Variants in GAN observed in about 807,000 individuals in gnomAD.
GAN encodes the protein gigaxonin.
In GAN, 48 loss-of-function variants were observed where a neutral mutation model predicts 71.3. The ratio of observed to expected loss-of-function variants is 0.67; its 90% CI spans 0.53 to 0.86. The LOEUF is 0.86. Ranked by LOEUF, GAN falls within the 40% of genes least tolerant of loss-of-function variation. GAN has a pLI of 0.00. For synonymous variants in GAN, 386 were observed against 276.8 expected (o/e 1.39, Z -3.92); for missense variants, 928 against 770.1 (o/e 1.21, Z -2.43).
At position 81,315,290 on chromosome 16, in the gene GAN, G is replaced by T; in HGVS notation, c.167+10G>T. 5 of 1,521,764 alleles carry T rather than the reference G, an allele frequency of 3.3e-6. No homozygotes were observed. Among genetic ancestry groups the T allele is most frequent in the South Asian group, 1.2e-5 (1 of 80,854 alleles). 94.3% of individuals were successfully genotyped at this position (1,521,764 alleles called of 1,614,324 possible). ...CCAGCCCGTACATCAGGTGGGGAGG[G>T]GGCTACGGCGGGCGGGCGCGGCGGT... On this transcript the variant is annotated intron_variant, in intron 1 of 10. Transcript: ENST00000648994.
chr16:81,319,846 A>G (rs1408424211), intron 1 of GAN, among the ~76,000 whole-genome samples: 2 of 152,210 alleles, frequency 1.3e-5, no homozygotes, highest in Admixed American at 6.5e-5. Context: ...TGGTTGGGCT[A>G]CATGGACAGC....
rs959210772 is a variant in GAN at position 81,315,395 on chromosome 16, C to T, written c.167+115C>T. On this transcript the variant is annotated intron_variant, in intron 1 of 10. Coordinates refer to ENST00000648994, the MANE Select transcript of GAN (RefSeq NM_022041.4). ...TCCCCTGTCCCCGGCGCCGGGGTCC[C>T]CGCGTCACCGTTGGCGCGGCGTCCC... is the stretch of plus-strand genomic sequence containing the variant. 5 of 661,840 alleles carry T rather than the reference C, an allele frequency of 7.6e-6. No individual in the cohort carries two copies. In the African/African-American group the frequency reaches 9.6e-5, roughly 13 times the overall value. 41.0% of individuals were successfully genotyped at this position (661,840 alleles called of 1,614,324 possible).
Position 81,382,869 on chromosome 16 carries a change from C to T in GAN, c.*5273C>T, listed in dbSNP as rs1171088035. On this transcript the variant is annotated 3_prime_UTR_variant, in exon 11 of 11. Coordinates refer to ENST00000648994, the MANE Select transcript of GAN (RefSeq NM_022041.4). ...TTTTAAACATATTTCAATATTGTCT[C>T]ATTGTAATAGTTCCATTTATGTGAC... is the stretch of plus-strand genomic sequence containing the variant. The T allele has an allele frequency of 6.6e-6, 1 of 152,168 alleles. No homozygotes were observed. The highest frequency in any genetic ancestry group is 1.5e-5 in the Non-Finnish European group (1 of 68,020). 9.4% of individuals were successfully genotyped at this position (152,168 alleles called of 1,614,324 possible).
intron 9 of GAN, among the ~76,000 whole-genome samples, chr16:81,366,350 A>G (rs1249956181): frequency 6.6e-6 from 1 of 152,212 alleles, no homozygotes; most frequent in Non-Finnish European, 1.5e-5. Flanking sequence ...ACCTCTGACA[A>G]GTGCCACGTA....
Position 81,357,860 on chromosome 16 carries a change from C to G in GAN, c.902C>G (p.Pro301Arg). 6.2e-7 allele frequency: 1 copy of G among 1,613,294 alleles called. No homozygotes were observed. Among genetic ancestry groups the G allele is most frequent in the Non-Finnish European group, 8.5e-7 (1 of 1,179,248 alleles). Residue 301 changes from proline (P) to arginine (R), a missense_variant, in exon 5 of 11, where the codon CCT becomes CGT. By Grantham distance (103) the Pro-to-Arg change is moderately radical. Coordinates refer to ENST00000648994, the MANE Select transcript of GAN (RefSeq NM_022041.4). ...AMRCMCPLYD[P>R]NRQLWIELAP... The stretch of plus-strand genomic sequence containing the variant: ...CGATGCATGTGCCCTCTCTATGACC[C>G]TAACAGGCAGCTTTGGATCGAACTG...
chr16:81,347,887 A>C (rs9937004), intron 1 of GAN, among the ~76,000 whole-genome samples: 458 of 152,096 alleles, frequency 3.0e-3, no homozygotes, highest in African/African-American at 0.01. Flanking sequence ...TCCGTTACTG[A>C]GAGTACTTCC....
At chr16:81,343,519 CAT>C (rs901649238) in intron 1 of GAN, among the ~76,000 whole-genome samples, 1 of 152,190 alleles carries the variant, frequency 6.6e-6, no homozygotes, top group Non-Finnish European at 1.5e-5. Context: ...ACAAAAACCA[CAT>C]GATTATCTCA....
intron 2 of GAN, among the ~76,000 whole-genome samples, chr16:81,352,255 C>T (rs572624875): frequency 6.6e-6 from 1 of 152,204 alleles, no homozygotes; most frequent in Non-Finnish European, 1.5e-5. Context: ...CCCTTATTCT[C>T]TCTTCCCTCT....
At position 81,377,676 on chromosome 16, in the gene GAN, C is replaced by G. The variant is rs1904286651; in HGVS notation, c.*80C>G. On this transcript the variant is annotated 3_prime_UTR_variant, in exon 11 of 11. Transcript: ENST00000648994. ...CCGAAAGGGAGAGCAGAGATGGCAG[C>G]TGAAACTCACTCTGTGCTGGGCTTT... The G allele has an allele frequency of 1.6e-6, 2 of 1,213,008 alleles. No homozygotes were observed. The highest frequency in any genetic ancestry group is 4.6e-5 in the East Asian group (2 of 43,042). 75.1% of individuals were successfully genotyped at this position (1,213,008 alleles called of 1,614,324 possible).
Position 81,390,062 on chromosome 16 carries a change from C to T in GAN, c.*12466C>T, listed in dbSNP as rs1159949216. ...AAGTAGGTCTGCTTAGACACATATT[C>T]AGTGAAGATTGTATTGTGTGTGATA... On this transcript the variant is annotated 3_prime_UTR_variant, in exon 11 of 11. Transcript: ENST00000648994. The T allele has an allele frequency of 6.6e-6, 1 of 152,086 alleles. No individual in the cohort carries two copies. The allele number at this position is 152,086 out of a possible 1,614,324, so 9.4% of individuals were successfully genotyped here. A position where few individuals can be genotyped will look rare whatever the true frequency, so the allele number is the denominator to read the frequency against.
In GAN at chr16:81,343,634, A is replaced by C. The variant is rs149424488; in HGVS notation, c.168-7949A>C. 5.8e-3 allele frequency among the ~76,000 whole-genome samples: 885 copies of C among 152,316 alleles called. 26 individuals carry two copies. Among genetic ancestry groups the C allele is most frequent in the Admixed American group, 0.054 (819 of 15,296 alleles). Reference sequence around the variant, plus strand: ...AACATATCTCAACATAATAAGACCTATTTACGACAAACCCAGAGCCAATAT... The same window carrying C: ...AACATATCTCAACATAATAAGACCTCTTTACGACAAACCCAGAGCCAATAT... On this transcript the variant is annotated intron_variant, in intron 1 of 10. Transcript: ENST00000648994.
chr16:81,329,986 C>T (rs1049576923), intron 1 of GAN, among the ~76,000 whole-genome samples: 1 of 152,164 alleles, frequency 6.6e-6, no homozygotes, highest in Non-Finnish European at 1.5e-5. Flanking sequence ...ACCAGACTCC[C>T]CAGGAGAAAT....
chr16:81,344,594 T>C (rs958159261), intron 1 of GAN, among the ~76,000 whole-genome samples: 1 of 152,100 alleles, frequency 6.6e-6, no homozygotes, highest in Non-Finnish European at 1.5e-5. Flanking sequence ...TCTTACATCT[T>C]ATACAAAAAT....
At chr16:81,344,758 G>A (rs1910060339) in intron 1 of GAN, among the ~76,000 whole-genome samples, 2 of 152,006 alleles carry the variant, frequency 1.3e-5, no homozygotes, top group African/African-American at 4.8e-5. Flanking sequence ...ACGACAAATG[G>A]GATCTAATTA....
intron 9 of GAN, 82 bp downstream of exon 9, chr16:81,365,560 T>G: frequency 7.5e-7 from 1 of 1,338,094 alleles, no homozygotes. Context: ...TAGTTTTGTT[T>G]TCAGTCACTT....
chr16:81,331,889 G>C (rs769984604), intron 1 of GAN, among the ~76,000 whole-genome samples: 1 of 152,164 alleles, frequency 6.6e-6, no homozygotes, highest in South Asian at 2.1e-4. Context: ...AAGGCCGGGC[G>C]TGGTGGCTCA....
chr16:81,324,122 A>C (rs1909303771), intron 1 of GAN, among the ~76,000 whole-genome samples: 2 of 152,306 alleles, frequency 1.3e-5, no homozygotes, highest in South Asian at 4.1e-4. Flanking sequence ...TAATTGGCTG[A>C]TTTGACCCTT....
At chr16:81,317,835 C>T (rs1909095772) in intron 1 of GAN, among the ~76,000 whole-genome samples, 1 of 152,052 alleles carries the variant, frequency 6.6e-6, no homozygotes, top group Non-Finnish European at 1.5e-5. Flanking sequence ...TTTTGGTTTC[C>T]ATTTTCAATC....
At position 81,387,532 on chromosome 16, in the gene GAN, C is replaced by T. The variant is rs144955690; in HGVS notation, c.*9936C>T. ...CCTCTTGCCTTGTTTTTGATCTGCT[C>T]AGGCCGGGTGCAGTGGCTCACGCCT... On this transcript the variant is annotated 3_prime_UTR_variant, in exon 11 of 11. Coordinates refer to ENST00000648994, the MANE Select transcript of GAN (RefSeq NM_022041.4). The T allele has an allele frequency of 6.5e-6, 1 of 152,898 alleles. No individual in the cohort carries two copies. The highest frequency in any genetic ancestry group is 1.5e-5 in the Non-Finnish European group (1 of 68,570). The allele number at this position is 152,898 out of a possible 1,614,324, so 9.5% of individuals were successfully genotyped here. A position where few individuals can be genotyped will look rare whatever the true frequency, so the allele number is the denominator to read the frequency against.
Sources: gnomAD v4.1 joint callset for allele counts (sites outside exome capture counted in the v4.1 genomes callset) on GRCh38, gnomAD v4.1.1 for gene constraint, MANE v1.5 for transcripts, NCBI Gene and HGNC (gene_info 2026-07-23, HGNC 2026-07-21) for gene names.